DEPDC1B: variants seen among roughly 807,000 people sequenced by gnomAD.
The protein encoded by DEPDC1B is DEP domain-containing protein 1B.
In DEPDC1B, 51 loss-of-function variants were observed where a neutral mutation model predicts 66.5. The observed-to-expected ratio is 0.77, with a 90% CI of 0.61 to 0.97. The LOEUF (loss-of-function observed/expected upper bound fraction) is 0.97, where lower values mean the gene tolerates loss of function less well. DEPDC1B is among the 50% of genes least tolerant of loss of function. The pLI, the probability that DEPDC1B is intolerant of heterozygous loss-of-function variation, is 0.00. For missense variants in DEPDC1B, 552 were observed against 637.1 expected, an observed-to-expected ratio of 0.87 and a Z score of 1.44; for synonymous variants, 226 against 223.6, an observed-to-expected ratio of 1.01 and a Z score of -0.10.
chr5:60,695,781 G>A (rs1000660181), intron 1 of DEPDC1B, among the ~76,000 whole-genome samples: 13 of 152,066 alleles, frequency 8.5e-5, no homozygotes, highest in Non-Finnish European at 1.8e-4. Context: ...TCTTTGTAAG[G>A]GAATGTGAAA....
chr5:60,621,558 T>G (rs547565998), intron 7 of DEPDC1B, among the ~76,000 whole-genome samples: 1 of 151,324 alleles, frequency 6.6e-6, no homozygotes, highest in Non-Finnish European at 1.5e-5. Flanking sequence ...TGGGGAGGGA[T>G]AGCATTAGGA....
chr5:60,660,289 GAGAA>G lies in DEPDC1B; in HGVS notation c.315-12760_315-12757del, dbSNP rs1330223205. The stretch of plus-strand genomic sequence containing the variant: ...GACAGAGAGAGAGACAGAGAGGAGA[GAGAA>G]AGAGACAGGAGAGAGAGACAAAGGG... On this transcript the variant is annotated intron_variant, in intron 2 of 10. Transcript: ENST00000265036. 2.1e-5 allele frequency among the ~76,000 whole-genome samples: 3 copies of G among 144,240 alleles called. No homozygotes were observed. The Admixed American group carries it at 2.1e-4, about 10-fold the overall frequency. The allele number at this position is 144,240 out of a possible 152,430, so 94.6% of individuals were successfully genotyped here. A position where few individuals can be genotyped will look rare whatever the true frequency, so the allele number is the denominator to read the frequency against.
Position 60,654,171 on chromosome 5 carries a change from A to G in DEPDC1B, c.315-6638T>C, listed in dbSNP as rs1322901025. ...ATGGTGGTATATTAATGGGAATTGCATTGAATTTGTAGATTGCTTTTGGTA... is the reference window on the plus strand; with the variant it reads ...ATGGTGGTATATTAATGGGAATTGCGTTGAATTTGTAGATTGCTTTTGGTA... On this transcript the variant is annotated intron_variant, in intron 2 of 10. Coordinates refer to ENST00000265036, the MANE Select transcript of DEPDC1B (RefSeq NM_018369.3). Among the ~76,000 whole-genome samples, 5 of 149,090 alleles carry G rather than the reference A, an allele frequency of 3.4e-5. 1 individual carries two copies. The East Asian group carries it at 1.0e-3, about 30-fold the overall frequency.
At chr5:60,619,186 T>C (rs1477839138) in intron 7 of DEPDC1B, among the ~76,000 whole-genome samples, 1 of 152,216 alleles carries the variant, frequency 6.6e-6, no homozygotes, top group East Asian at 1.9e-4. Context: ...AATATCATAC[T>C]GAATGGGCAA....
intron 2 of DEPDC1B, among the ~76,000 whole-genome samples, chr5:60,679,504 G>A (rs1754244500): frequency 6.6e-6 from 1 of 152,088 alleles, no homozygotes; most frequent in African/African-American, 2.4e-5. Context: ...AAAAAGAGAA[G>A]TTGAAACATG....
At chr5:60,675,339 A>G (rs1299312972) in intron 2 of DEPDC1B, among the ~76,000 whole-genome samples, 3 of 152,178 alleles carry the variant, frequency 2.0e-5, no homozygotes, top group Non-Finnish European at 4.4e-5. Flanking sequence ...CAACCTGGGC[A>G]TTCATTCTTG....
intron 2 of DEPDC1B, among the ~76,000 whole-genome samples, chr5:60,674,151 G>T (rs746934518): frequency 1.1e-4 from 16 of 151,974 alleles, no homozygotes; most frequent in Non-Finnish European, 2.1e-4. Flanking sequence ...AAGGCCAGTT[G>T]GTAAGACCAA....
Position 60,597,792 on chromosome 5 carries a change from A to C in DEPDC1B, c.1551T>G (p.Pro517=), listed in dbSNP as rs1375084990. ...TTCTAGTTCTTTGAAATGGTTGGAA[A>C]GGCTTCTTTAGTGCCCACATTAGCA... ...PQLLMWALKK[P]FQPFQRTRSF... Residue 517 remains proline, a synonymous_variant, in exon 11 of 11, where the codon CCT becomes CCG. Coordinates refer to ENST00000265036, the MANE Select transcript of DEPDC1B (RefSeq NM_018369.3). 1 of 1,613,146 alleles carries C rather than the reference A, an allele frequency of 6.2e-7. No homozygotes were observed. The highest frequency in any genetic ancestry group is 2.2e-5 in the East Asian group (1 of 44,848).
chr5:60,677,295 GACAC>G (rs770270774), intron 2 of DEPDC1B, among the ~76,000 whole-genome samples: 63 of 113,782 alleles, frequency 5.5e-4, no homozygotes, highest in African/African-American at 1.4e-3. Flanking sequence ...TTTTCATACA[GACAC>G]ACACACACAC....
At chr5:60,629,580 A>C (rs1030862906) in intron 7 of DEPDC1B, among the ~76,000 whole-genome samples, 1 of 152,180 alleles carries the variant, frequency 6.6e-6, no homozygotes. Flanking sequence ...TATCTCAGTG[A>C]GTTTTAATGT....
At chr5:60,599,054 T>A in intron 10 of DEPDC1B, 21 bp downstream of exon 10, 1 of 1,550,732 alleles carries the variant, frequency 6.4e-7, no homozygotes. Flanking sequence ...AAAAAATGGC[T>A]TATAAAGAAT....
chr5:60,623,901 A>G (rs1366636957), intron 7 of DEPDC1B, among the ~76,000 whole-genome samples: 1 of 152,150 alleles, frequency 6.6e-6, no homozygotes, highest in Non-Finnish European at 1.5e-5. Context: ...TTATTAATTC[A>G]TAAGTGCTTT....
chr5:60,638,904 G>C lies in DEPDC1B; in HGVS notation c.758-14C>G, dbSNP rs1584053417. The C allele has an allele frequency of 3.7e-6, 6 of 1,606,154 alleles. No individual in the cohort carries two copies. The highest frequency in any genetic ancestry group is 4.5e-5 in the East Asian group (2 of 44,598). On this transcript the variant is annotated splice_polypyrimidine_tract_variant and intron_variant, in intron 6 of 10. Coordinates refer to ENST00000265036, the MANE Select transcript of DEPDC1B (RefSeq NM_018369.3). ...AACAGTTGGGCCCTATTTTCAAAAA[G>C]AGAGTGAAAGAGAAACATTAATGGA...
Position 60,654,722 on chromosome 5 carries a change from C to G in DEPDC1B, c.315-7189G>C, listed in dbSNP as rs908912353. Among the ~76,000 whole-genome samples, 11 of 148,750 alleles carry G rather than the reference C, an allele frequency of 7.4e-5. 3 individuals are homozygous for G. The highest frequency in any genetic ancestry group is 2.8e-4 in the African/African-American group (11 of 39,350). ...CTTTTTCCAGTTCTCAGGGGGAATG[C>G]TTTCCACTTTTCCCTGTTCAGTATA... On this transcript the variant is annotated intron_variant, in intron 2 of 10. Transcript: ENST00000265036.
At chr5:60,671,133 A>AC (rs1028791557) in intron 2 of DEPDC1B, among the ~76,000 whole-genome samples, 13 of 152,296 alleles carry the variant, frequency 8.5e-5, no homozygotes, top group African/African-American at 3.1e-4. Flanking sequence ...CAGGTAAGGC[A>AC]CCCAAGGCCT....
At chr5:60,654,793 T>A (rs528132545) in intron 2 of DEPDC1B, among the ~76,000 whole-genome samples, 5 of 148,982 alleles carry the variant, frequency 3.4e-5, no homozygotes, top group Non-Finnish European at 7.4e-5. Context: ...TACCTTAAGG[T>A]ACATCCCCTC....
At chr5:60,689,443 T>C (rs1390261255) in intron 1 of DEPDC1B, among the ~76,000 whole-genome samples, 1 of 152,208 alleles carries the variant, frequency 6.6e-6, no homozygotes, top group Non-Finnish European at 1.5e-5. Context: ...AATAACCATC[T>C]TTCAGAAGGA....
intron 7 of DEPDC1B, among the ~76,000 whole-genome samples, chr5:60,613,546 G>A (rs932206652): frequency 3.3e-5 from 5 of 152,164 alleles, no homozygotes; most frequent in African/African-American, 1.2e-4. Context: ...CAATGTGGAA[G>A]ACAACAATAG....
At chr5:60,694,023 T>A (rs1252186734) in intron 1 of DEPDC1B, among the ~76,000 whole-genome samples, 1 of 152,180 alleles carries the variant, frequency 6.6e-6, no homozygotes, top group Non-Finnish European at 1.5e-5. Flanking sequence ...GTATATCCAC[T>A]AATTGACCCA....
Sources: gnomAD v4.1 joint callset for allele counts (sites outside exome capture counted in the v4.1 genomes callset) on GRCh38, gnomAD v4.1.1 for gene constraint, MANE v1.5 for transcripts, NCBI Gene and HGNC (gene_info 2026-07-23, HGNC 2026-07-21) for gene names.